The following TLR4 variants were observed in gnomAD, a reference collection of about 807,000 sequenced individuals.
The protein encoded by TLR4 is toll like receptor 4, also known as toll-like receptor 4.
In TLR4, 17 loss-of-function variants were observed where a neutral mutation model predicts 27.4. That is an observed-to-expected ratio of 0.62 (90% CI 0.42 to 0.93). TLR4 has a LOEUF of 0.93. TLR4 is among the 40% of genes least tolerant of loss of function. The pLI, the probability that TLR4 is intolerant of heterozygous loss-of-function variation, is 0.00. For synonymous variants in TLR4, 363 were observed against 365.7 expected (o/e 0.99, Z 0.08); for missense variants, 926 against 962.3 (o/e 0.96, Z 0.50).
intron 1 of TLR4, among the ~76,000 whole-genome samples, chr9:117,706,004 TTTAAC>T (rs1461098804): frequency 2.0e-5 from 3 of 152,204 alleles, no homozygotes; most frequent in African/African-American, 7.2e-5. Flanking sequence ...AATAGTTTTA[TTTAAC>T]TTAGCGTATT....
rs201045852 is a variant in TLR4, at chr9:117,716,210, A to G, written c.*1562A>G. ...ATCCAGCAATCTCACTTCTGTATAT[A>G]TACCCAAAATAATTGAAATCAGAAT... On this transcript the variant is annotated 3_prime_UTR_variant, in exon 3 of 3. Transcript: ENST00000355622. The G allele has an allele frequency of 6.6e-6, 1 of 152,204 alleles. No individual in the cohort carries two copies. The allele number at this position is 152,204 out of a possible 1,614,324, so 9.4% of individuals were successfully genotyped here. A position where few individuals can be genotyped will look rare whatever the true frequency, so the allele number is the denominator to read the frequency against.
rs1466478449 is a variant in TLR4, at chr9:117,721,894, C to G, written c.*7246C>G. The G allele has an allele frequency of 2.0e-5, 3 of 152,162 alleles. No homozygotes were observed. The highest frequency in any genetic ancestry group is 4.8e-5 in the African/African-American group (2 of 41,444). 9.4% of individuals were successfully genotyped at this position (152,162 alleles called of 1,614,324 possible). A position where few individuals can be genotyped will look rare whatever the true frequency, so the allele number is the denominator to read the frequency against. On this transcript the variant is annotated 3_prime_UTR_variant, in exon 3 of 3. Coordinates refer to ENST00000355622, the MANE Select transcript of TLR4 (RefSeq NM_138554.5). ...TTTATTTTACACTGTATAGTTGATT[C>G]TTCTCAATCCCACTAGATCAGACTC...
At chr9:117,710,447 C>G (rs1397822174) in intron 2 of TLR4, among the ~76,000 whole-genome samples, 1 of 150,194 alleles carries the variant, frequency 6.7e-6, no homozygotes, top group Non-Finnish European at 1.5e-5. Context: ...TAGACCACCT[C>G]TCCCTTTTTT....
Position 117,712,908 on chromosome 9 carries a change from G to A in TLR4, c.780G>A (p.Leu260=). Residue 260 remains leucine, a synonymous_variant, in exon 3 of 3, where the codon CTG becomes CTA. Transcript: ENST00000355622. ...LAGLEVHRLV[L]GEFRNEGNLE... The stretch of plus-strand genomic sequence containing the variant: ...GTTTAGAAGTCCATCGTTTGGTTCT[G>A]GGAGAATTTAGAAATGAAGGAAACT... 6.2e-7 allele frequency: 1 copy of A among 1,614,058 alleles called. No individual in the cohort carries two copies. The highest frequency in any genetic ancestry group is 1.3e-5 in the African/African-American group (1 of 75,026).
chr9:117,710,420 C>T (rs1829212185), intron 2 of TLR4, among the ~76,000 whole-genome samples: 1 of 150,020 alleles, frequency 6.7e-6, no homozygotes, highest in Admixed American at 6.7e-5. Flanking sequence ...AAAATTTTGT[C>T]AAGTACTCTA....
chr9:117,710,602 A>G (rs1829216039), intron 2 of TLR4, among the ~76,000 whole-genome samples: 1 of 152,034 alleles, frequency 6.6e-6, no homozygotes, highest in South Asian at 2.1e-4. Flanking sequence ...GTTAACCCAT[A>G]GGAGATTCTG....
chr9:117,710,892 T>C (rs1390463599), intron 2 of TLR4, among the ~76,000 whole-genome samples: 3 of 152,168 alleles, frequency 2.0e-5, no homozygotes, highest in South Asian at 2.1e-4. Context: ...TTTGTCTTAA[T>C]ACTCTACTTC....
chr9:117,719,787 G>T lies in TLR4; in HGVS notation c.*5139G>T, dbSNP rs1311569050. Reference sequence around the variant, plus strand: ...GGTTGGAATAAGATCACACACTCTGGCTGCCCTTATGGAGATCACCGAACT... The same window carrying T: ...GGTTGGAATAAGATCACACACTCTGTCTGCCCTTATGGAGATCACCGAACT... On this transcript the variant is annotated 3_prime_UTR_variant, in exon 3 of 3. Coordinates refer to ENST00000355622, the MANE Select transcript of TLR4 (RefSeq NM_138554.5). 6.6e-6 allele frequency: 1 copy of T among 152,120 alleles called. No individual in the cohort carries two copies. Among genetic ancestry groups the T allele is most frequent in the Non-Finnish European group, 1.5e-5 (1 of 68,014 alleles). 9.4% of individuals were successfully genotyped at this position (152,120 alleles called of 1,614,324 possible). A position where few individuals can be genotyped will look rare whatever the true frequency, so the allele number is the denominator to read the frequency against.
Position 117,715,193 on chromosome 9 carries a change from CT to C in TLR4, c.*546del. The C allele has an allele frequency of 1.9e-5, 3 of 159,904 alleles. No homozygotes were observed. Among genetic ancestry groups the C allele is most frequent in the Admixed American group, 5.9e-5 (1 of 17,054 alleles). 9.9% of individuals were successfully genotyped at this position (159,904 alleles called of 1,614,324 possible). On this transcript the variant is annotated 3_prime_UTR_variant, in exon 3 of 3. Transcript: ENST00000355622. ...TCTAGTGGCTAATTCCTAAGGAAAC[CT>C]GATTAACACATGCTCACAACCATCC...
intron 1 of TLR4, 199 bp from the exon 2 acceptor site, chr9:117,708,364 A>G: frequency 7.1e-7 from 1 of 1,405,384 alleles, no homozygotes; most frequent in Non-Finnish European, 9.3e-7. Flanking sequence ...TTTCTAATCT[A>G]GAGTAAGACA....
At position 117,716,039 on chromosome 9, in the gene TLR4, A is replaced by C. The variant is rs1829341255; in HGVS notation, c.*1391A>C. Reference sequence around the variant, plus strand: ...GAGATATCACCTTATACCAGGTAGAATGGCTACTATAAAAAAATGAAGTGT... The same window carrying C: ...GAGATATCACCTTATACCAGGTAGACTGGCTACTATAAAAAAATGAAGTGT... On this transcript the variant is annotated 3_prime_UTR_variant, in exon 3 of 3. Transcript: ENST00000355622. 1 of 152,192 alleles carries C rather than the reference A, an allele frequency of 6.6e-6. No individual in the cohort carries two copies. The highest frequency in any genetic ancestry group is 6.5e-5 in the Admixed American group (1 of 15,278). 9.4% of individuals were successfully genotyped at this position (152,192 alleles called of 1,614,324 possible). A position where few individuals can be genotyped will look rare whatever the true frequency, so the allele number is the denominator to read the frequency against.
chr9:117,707,482 C>T (rs1402684631), intron 1 of TLR4, among the ~76,000 whole-genome samples: 1 of 152,126 alleles, frequency 6.6e-6, no homozygotes, highest in African/African-American at 2.4e-5. Context: ...CTTTAAACAC[C>T]TTATCTCATT....
intron 1 of TLR4, among the ~76,000 whole-genome samples, chr9:117,706,909 C>T (rs1365172873): frequency 6.6e-6 from 1 of 152,192 alleles, no homozygotes; most frequent in Non-Finnish European, 1.5e-5. Context: ...GTAATGCCCA[C>T]AGCACTTGGC....
rs982469916 is a variant in TLR4 at position 117,722,691 on chromosome 9, G to C, written c.*8043G>C. 1 of 152,194 alleles carries C rather than the reference G, an allele frequency of 6.6e-6. No individual in the cohort carries two copies. The highest frequency in any genetic ancestry group is 1.5e-5 in the Non-Finnish European group (1 of 68,050). 9.4% of individuals were successfully genotyped at this position (152,194 alleles called of 1,614,324 possible). ...ACAGCGATAGAGGTAGTGAGGTTTAGGATTCAGGTCTGCCACCGGGAGCGC... is the reference window on the plus strand; with the variant it reads ...ACAGCGATAGAGGTAGTGAGGTTTACGATTCAGGTCTGCCACCGGGAGCGC... On this transcript the variant is annotated 3_prime_UTR_variant, in exon 3 of 3. Coordinates refer to ENST00000355622, the MANE Select transcript of TLR4 (RefSeq NM_138554.5).
At position 117,723,741 on chromosome 9, in the gene TLR4, T is replaced by C. The variant is rs1320052406; in HGVS notation, c.*9093T>C. The C allele has an allele frequency of 6.6e-6, 1 of 152,216 alleles. No individual in the cohort carries two copies. The highest frequency in any genetic ancestry group is 1.5e-5 in the Non-Finnish European group (1 of 68,038). 9.4% of individuals were successfully genotyped at this position (152,216 alleles called of 1,614,324 possible). ...ACAGGAGTCTCCTCTATTTCAGCAA[T>C]GTGTATACTTGGTCAGTTTTAATTA... On this transcript the variant is annotated 3_prime_UTR_variant, in exon 3 of 3. Transcript: ENST00000355622.
rs1829410576 is a variant in TLR4, at chr9:117,720,520, G to A, written c.*5872G>A. ...TCTTGATTATAATTATAAAATAATG[G>A]GTTTCTGAAAGGCTGCAAGCAGTTC... On this transcript the variant is annotated 3_prime_UTR_variant, in exon 3 of 3. Coordinates refer to ENST00000355622, the MANE Select transcript of TLR4 (RefSeq NM_138554.5). 1 of 152,136 alleles carries A rather than the reference G, an allele frequency of 6.6e-6. No individual in the cohort carries two copies. Among genetic ancestry groups the A allele is most frequent in the Admixed American group, 6.6e-5 (1 of 15,266 alleles). The allele number at this position is 152,136 out of a possible 1,614,324, so 9.4% of individuals were successfully genotyped here. A position where few individuals can be genotyped will look rare whatever the true frequency, so the allele number is the denominator to read the frequency against.
chr9:117,710,696 T>C (rs1321038869), intron 2 of TLR4, among the ~76,000 whole-genome samples: 1 of 152,108 alleles, frequency 6.6e-6, no homozygotes, highest in South Asian at 2.1e-4. Context: ...CAACTAGTCT[T>C]GTAAGAATGC....
rs571590476 is a variant in TLR4 at position 117,707,061 on chromosome 9, C to G, written c.94-1502C>G. 4.6e-5 allele frequency among the ~76,000 whole-genome samples: 7 copies of G among 152,272 alleles called. No homozygotes were observed. The East Asian group carries it at 1.4e-3, about 29-fold the overall frequency. On this transcript the variant is annotated intron_variant, in intron 1 of 2. Coordinates refer to ENST00000355622, the MANE Select transcript of TLR4 (RefSeq NM_138554.5). Reference sequence around the variant, plus strand: ...GCTGGAGACAAAGCAGTGGGCAAACCCATCAAACTTGCAATGGAATACAGG... The same window carrying G: ...GCTGGAGACAAAGCAGTGGGCAAACGCATCAAACTTGCAATGGAATACAGG...
rs766732836 is a variant in TLR4, at chr9:117,713,178, C to T, written c.1050C>T (p.Leu350=). The change falls in exon 3 of 3, where the codon CTC becomes CTT. Residue 350 remains leucine (L), a synonymous_variant. Transcript: ENST00000355622. ...CKFGQFPTLK[L]KSLKRLTFTS... is the part of the protein sequence containing the mutation. ...TTGGACAGTTTCCCACATTGAAACT[C>T]AAATCTCTCAAAAGGCTTACTTTCA... 1.5e-5 allele frequency: 24 copies of T among 1,613,966 alleles called. No individual in the cohort carries two copies. The East Asian group carries it at 4.0e-4, about 27-fold the overall frequency.
Sources: allele counts gnomAD v4.1 joint callset (sites outside exome capture counted in the v4.1 genomes callset), GRCh38; gene constraint gnomAD v4.1.1; transcripts MANE v1.5; gene names NCBI Gene and HGNC (gene_info 2026-07-23, HGNC 2026-07-21).